Variants in FGFR1 observed in about 807,000 individuals in gnomAD.
FGFR1 encodes the protein FGFR1/PLAG1 fusion.
Under a neutral mutation model 93.7 loss-of-function variants are expected in FGFR1, and 18 were observed. The observed-to-expected ratio is 0.19, with a 90% CI of 0.13 to 0.28. The LOEUF is 0.28. FGFR1 is among the 10% of genes least tolerant of loss of function. The probability of loss-of-function intolerance (pLI) is 1.00; values close to 1 mark genes in which losing one functional copy is unlikely to be tolerated. For missense variants in FGFR1, 731 were observed against 1,080.4 expected (o/e 0.68, Z 4.53); for synonymous variants, 448 against 429.3 (o/e 1.04, Z -0.54).
Position 38,429,435 on chromosome 8 carries a change from T to G in FGFR1, c.358+247A>C. 1.4e-6 allele frequency: 1 copy of G among 700,654 alleles called. No individual in the cohort carries two copies. Among genetic ancestry groups the G allele is most frequent in the South Asian group, 1.5e-5 (1 of 66,942 alleles). The allele number at this position is 700,654 out of a possible 1,614,324, so 43.4% of individuals were successfully genotyped here. A position where few individuals can be genotyped will look rare whatever the true frequency, so the allele number is the denominator to read the frequency against. ...CAGGGTCTTAACATCCCAAGAGCCC[T>G]GGCAATCACCTCCGAGGTGTGTCCT... On this transcript the variant is annotated intron_variant, in intron 3 of 17. Coordinates refer to ENST00000447712, the MANE Select transcript of FGFR1 (RefSeq NM_023110.3). This position sits in a 1 kb window ranked among gnomAD's most constrained non-coding sequence, Gnocchi z 4.4.
chr8:38,447,428 T>C (rs532133592), intron 2 of FGFR1, among the ~76,000 whole-genome samples: 4 of 152,200 alleles, frequency 2.6e-5, no homozygotes, highest in African/African-American at 9.6e-5. Flanking sequence ...CCTATGCCTA[T>C]GGAATCATTG....
Position 38,412,448 on chromosome 8 carries a change from T to C in FGFR1, c.*1180A>G, listed in dbSNP as rs923981278. 2.2e-5 allele frequency: 5 copies of C among 230,428 alleles called. No homozygotes were observed. The highest frequency in any genetic ancestry group is 1.1e-4 in the African/African-American group (5 of 45,202). 14.3% of individuals were successfully genotyped at this position (230,428 alleles called of 1,614,324 possible). A position where few individuals can be genotyped will look rare whatever the true frequency, so the allele number is the denominator to read the frequency against. On this transcript the variant is annotated 3_prime_UTR_variant, in exon 18 of 18. Coordinates refer to ENST00000447712, the MANE Select transcript of FGFR1 (RefSeq NM_023110.3). The stretch of plus-strand genomic sequence containing the variant: ...CGGTTTCCTTGGAGGAAACCATCCA[T>C]GGTCGATGGCTGCTGGGCCTTGACT...
rs1385386277 is a variant in FGFR1, at chr8:38,452,918, A to G, written c.91+4438T>C. Among the ~76,000 whole-genome samples the G allele has an allele frequency of 5.9e-5, 9 of 152,340 alleles. No individual in the cohort carries two copies. The South Asian group carries it at 1.7e-3, about 28-fold the overall frequency. On this transcript the variant is annotated intron_variant, in intron 2 of 17. Coordinates refer to ENST00000447712, the MANE Select transcript of FGFR1 (RefSeq NM_023110.3). ...CTTGAACCCAGGAGGTGGAGGTTGC[A>G]GTGAGCCAAGATCACGCCACTGCAC...
At chr8:38,466,547 GCGGCGAA>G (rs1468674476) in intron 1 of FGFR1, 112 of 230,862 alleles carry the variant, frequency 4.9e-4, no homozygotes, top group Admixed American at 1.7e-3. Flanking sequence ...CCCACCAGCG[GCGGCGAA>G]TAACTTGGTG....
chr8:38,415,833 C>G, intron 13 of FGFR1, 37 bp downstream of exon 13: 1 of 1,605,204 alleles, frequency 6.2e-7, no homozygotes, highest in Non-Finnish European at 8.5e-7. Flanking sequence ...TCTGTTCCCA[C>G]CCTGGCATTA....
At chr8:38,418,165 T>C in intron 10 of FGFR1, 63 bp downstream of exon 10, 1 of 1,612,862 alleles carries the variant, frequency 6.2e-7, no homozygotes, top group East Asian at 2.2e-5. Context: ...TATACACACC[T>C]TCCACCACTA....
rs1171714073 is a variant in FGFR1 at position 38,424,713 on chromosome 8, G to A, written c.746-14C>T. 6 of 1,606,952 alleles carry A rather than the reference G, an allele frequency of 3.7e-6. No homozygotes were observed. In the Middle Eastern group the frequency reaches 5.0e-4, roughly 133 times the overall value. On this transcript the variant is annotated splice_polypyrimidine_tract_variant and intron_variant, in intron 6 of 17. Coordinates refer to ENST00000447712, the MANE Select transcript of FGFR1 (RefSeq NM_023110.3). This position sits in a 1 kb window ranked among gnomAD's most constrained non-coding sequence, Gnocchi z 4.3. ...GAGGGGACCGCTCTGTGGAAGATGG[G>A]AGAGGAGGCACTTGTCATGGGGACC... is the stretch of plus-strand genomic sequence containing the variant.
At chr8:38,432,699 A>T (rs1455640296) in intron 2 of FGFR1, among the ~76,000 whole-genome samples, 2 of 152,064 alleles carry the variant, frequency 1.3e-5, no homozygotes, top group African/African-American at 4.8e-5. Context: ...CCCAGCCGGG[A>T]TAATCTTTTA....
intron 2 of FGFR1, among the ~76,000 whole-genome samples, chr8:38,444,623 G>A (rs534718098): frequency 7.0e-6 from 1 of 143,158 alleles, no homozygotes; most frequent in African/African-American, 2.6e-5. Context: ...AACTCCTGAC[G>A]TCAGGTGATC....
chr8:38,413,346 G>A lies in FGFR1; in HGVS notation c.*282C>T, dbSNP rs567319617. On this transcript the variant is annotated 3_prime_UTR_variant, in exon 18 of 18. Transcript: ENST00000447712. The surrounding 1 kb of genome is among the most constrained non-coding windows in gnomAD (Gnocchi z 4.2). Reference sequence around the variant, plus strand: ...TCCCACTCCCTGCCCTCCAGGCAGTGCCTGGTGGCAGGGAGGGGTGTTGGT... The same window carrying A: ...TCCCACTCCCTGCCCTCCAGGCAGTACCTGGTGGCAGGGAGGGGTGTTGGT... 16 of 516,586 alleles carry A rather than the reference G, an allele frequency of 3.1e-5. No individual in the cohort carries two copies. The East Asian group carries it at 4.1e-4, about 13-fold the overall frequency. 32.0% of individuals were successfully genotyped at this position (516,586 alleles called of 1,614,324 possible).
At chr8:38,450,878 T>C (rs1435586945) in intron 2 of FGFR1, among the ~76,000 whole-genome samples, 1 of 152,192 alleles carries the variant, frequency 6.6e-6, no homozygotes, top group East Asian at 1.9e-4. Flanking sequence ...GTGGCTTTGC[T>C]GCGCTTGCCC....
At chr8:38,421,500 C>A in intron 8 of FGFR1, 1 of 479,402 alleles carries the variant, frequency 2.1e-6, no homozygotes, top group Non-Finnish European at 3.8e-6. Flanking sequence ...GGAGCCTGCC[C>A]TGGAGGAGTC....
At chr8:38,432,684 T>C (rs1001247638) in intron 2 of FGFR1, among the ~76,000 whole-genome samples, 2 of 152,164 alleles carry the variant, frequency 1.3e-5, no homozygotes, top group African/African-American at 4.8e-5. Context: ...GCATGAGCCA[T>C]GGCGCCCAGC....
chr8:38,434,570 G>A, intron 2 of FGFR1: 1 of 272,804 alleles, frequency 3.7e-6, no homozygotes, highest in East Asian at 8.1e-5. Flanking sequence ...TCAAAGTCTT[G>A]GCAGGCATTC....
In FGFR1 at chr8:38,414,881, T is replaced by C. The variant is rs772140963; in HGVS notation, c.1875A>G (p.Ala625=). 3.7e-6 allele frequency: 6 copies of C among 1,613,406 alleles called. No individual in the cohort carries two copies. The African/African-American group carries it at 4.0e-5, about 11-fold the overall frequency. The change falls in exon 14 of 18, where the codon GCA becomes GCG. Residue 625 remains alanine, a synonymous_variant. Coordinates refer to ENST00000447712, the MANE Select transcript of FGFR1 (RefSeq NM_023110.3). ...ASKKCIHRDL[A]ARNVLVTEDN... is the part of the protein sequence containing the mutation. Reference sequence around the variant, plus strand: ...CCTCTGTCACCAGGACATTCCTGGCTGCCAGGTCTCGGTGTATGCACTGAG... The same window carrying C: ...CCTCTGTCACCAGGACATTCCTGGCCGCCAGGTCTCGGTGTATGCACTGAG...
chr8:38,444,557 T>A (rs1227940215), intron 2 of FGFR1, among the ~76,000 whole-genome samples: 1 of 53,086 alleles, frequency 1.9e-5, no homozygotes, highest in African/African-American at 5.9e-5. Flanking sequence ...CGTGGCTAAA[T>A]TTTTTTTTTT....
At chr8:38,440,412 T>G (rs1281570009) in intron 2 of FGFR1, 2 of 1,518,802 alleles carry the variant, frequency 1.3e-6, no homozygotes, top group East Asian at 4.8e-5. Flanking sequence ...AAAAATGTGT[T>G]TCTCTCAACT....
intron 2 of FGFR1, among the ~76,000 whole-genome samples, chr8:38,442,362 G>GGTGTGTGTGTGTGTGTGTGTGT (rs56889687): frequency 2.9e-4 from 42 of 146,060 alleles, no homozygotes; most frequent in East Asian, 1.2e-3. Flanking sequence ...TTGTTAAAGT[G>GGTGTGTGTGTGTGTGTGTGTGT]GTGTGTGTGT....
intron 2 of FGFR1, among the ~76,000 whole-genome samples, chr8:38,432,928 G>C (rs528775725): frequency 1.2e-5 from 1 of 82,484 alleles, no homozygotes; most frequent in African/African-American, 4.3e-5. Flanking sequence ...CTCCCCAGTT[G>C]GGATGCTTTC....
Sources: allele counts gnomAD v4.1 joint callset (sites outside exome capture counted in the v4.1 genomes callset), GRCh38; gene constraint gnomAD v4.1.1; non-coding constraint Gnocchi (gnomAD v3.1); transcripts MANE v1.5; gene names NCBI Gene and HGNC (gene_info 2026-07-23, HGNC 2026-07-21).